The following UNC80 variants were observed in gnomAD, a reference collection of about 807,000 sequenced individuals.
The protein encoded by UNC80 is unc-80 subunit of NALCN channel complex.
UNC80 carries 164 observed loss-of-function variants against 384.6 expected under a neutral mutation model. The observed-to-expected ratio is 0.43, with a 90% CI of 0.38 to 0.49. The LOEUF is 0.49. UNC80 is among the 20% of genes least tolerant of loss of function. The probability of loss-of-function intolerance (pLI) is 0.00; values close to 1 mark genes in which losing one functional copy is unlikely to be tolerated. For missense variants in UNC80, 3,330 were observed against 4,143.0 expected (o/e 0.80, Z 5.39); for synonymous variants, 1,486 against 1,527.8 (o/e 0.97, Z 0.64).
intron 5 of UNC80, 26 bp from the exon 6 acceptor site, chr2:209,789,506 C>T (rs150913307): frequency 3.4e-5 from 53 of 1,558,898 alleles, no homozygotes; most frequent in Non-Finnish European, 4.7e-5. Context: ...CCTTACAAAA[C>T]GATGGAACTT....
intron 47 of UNC80, among the ~76,000 whole-genome samples, chr2:209,950,662 G>A (rs961518881): frequency 3.3e-5 from 5 of 151,038 alleles, no homozygotes; most frequent in Admixed American, 6.6e-5. Context: ...GGATTCAAGC[G>A]ATTCTCCTGC....
intron 47 of UNC80, among the ~76,000 whole-genome samples, chr2:209,950,524 T>A (rs1036121468): frequency 4.6e-5 from 7 of 151,878 alleles, no homozygotes; most frequent in African/African-American, 7.2e-5. Flanking sequence ...GTCTGCCTTT[T>A]CTTTCCTTTT....
chr2:209,870,257 A>T (rs993573848), intron 22 of UNC80, among the ~76,000 whole-genome samples: 1 of 152,204 alleles, frequency 6.6e-6, no homozygotes, highest in Non-Finnish European at 1.5e-5. Flanking sequence ...ATATTGTGAC[A>T]GGCTAAGAAT....
chr2:209,918,021 G>A (rs1296492447), intron 32 of UNC80, 63 bp downstream of exon 32: 26 of 1,478,336 alleles, frequency 1.8e-5, no homozygotes, highest in Middle Eastern at 1.8e-4. Flanking sequence ...TGTTTAAACC[G>A]TTGAACCTCA....
chr2:209,941,614 A>C (rs1337836361), intron 44 of UNC80, 125 bp downstream of exon 44: 1 of 1,138,870 alleles, frequency 8.8e-7, no homozygotes, highest in Non-Finnish European at 1.2e-6. Flanking sequence ...TGACAACAGA[A>C]GGCAACAAAT....
At chr2:209,840,734 GGC>G in intron 20 of UNC80, 86 bp downstream of exon 20, 1 of 1,064,110 alleles carries the variant, frequency 9.4e-7, no homozygotes. Flanking sequence ...CACCTGCAGG[GGC>G]CAAATAAGGA....
At chr2:209,930,847 A>G (rs1420821523) in intron 37 of UNC80, 121 bp from the exon 38 acceptor site, 2 of 621,746 alleles carry the variant, frequency 3.2e-6, no homozygotes, top group African/African-American at 3.7e-5. Context: ...CATAATTGAA[A>G]TCAATATGTG....
At chr2:209,778,754 C>T (rs1352914169) in intron 4 of UNC80, among the ~76,000 whole-genome samples, 5 of 152,174 alleles carry the variant, frequency 3.3e-5, no homozygotes, top group Non-Finnish European at 4.4e-5. Context: ...ACAAATTTCA[C>T]TTAAGTGCTA....
At chr2:209,915,916 A>G (rs996970097) in intron 31 of UNC80, among the ~76,000 whole-genome samples, 1 of 152,242 alleles carries the variant, frequency 6.6e-6, no homozygotes, top group Non-Finnish European at 1.5e-5. Context: ...TAAGTACTCA[A>G]GGTGGTGGAT....
intron 47 of UNC80, among the ~76,000 whole-genome samples, chr2:209,953,256 A>G (rs760990902): frequency 5.3e-5 from 8 of 151,922 alleles, no homozygotes; most frequent in Non-Finnish European, 1.0e-4. Context: ...TGTCTCTACT[A>G]AAAATACAAA....
At position 209,872,414 on chromosome 2, in the gene UNC80, C is replaced by G. The variant is rs567751440; in HGVS notation, c.3628-344C>G. 6.6e-6 allele frequency among the ~76,000 whole-genome samples: 1 copy of G among 152,284 alleles called. No homozygotes were observed. Among genetic ancestry groups the G allele is most frequent in the African/African-American group, 2.4e-5 (1 of 41,556 alleles). The stretch of plus-strand genomic sequence containing the variant: ...AAAAAAAGATTCATCTTTAAGACCT[C>G]ACTAAAAGCTCTTTCACTCTACACT... On this transcript the variant is annotated intron_variant, in intron 22 of 64. Coordinates refer to ENST00000673920, the MANE Select transcript of UNC80 (RefSeq NM_001371986.1). The surrounding 1 kb of genome is among the most constrained non-coding windows in gnomAD (Gnocchi z 4.1).
chr2:209,782,908 A>ATT (rs61203868), intron 4 of UNC80, among the ~76,000 whole-genome samples: 5 of 145,842 alleles, frequency 3.4e-5, no homozygotes, highest in African/African-American at 5.0e-5. Flanking sequence ...ACATTCACTT[A>ATT]TTTTTTTTTT....
intron 22 of UNC80, among the ~76,000 whole-genome samples, chr2:209,854,082 T>A (rs1174052354): frequency 6.6e-6 from 1 of 152,078 alleles, no homozygotes; most frequent in Non-Finnish European, 1.5e-5. Context: ...CACACTTACT[T>A]CCAGGCTTAT....
chr2:209,934,611 A>C, intron 39 of UNC80, among the ~76,000 whole-genome samples: 2 of 152,240 alleles, frequency 1.3e-5, no homozygotes, highest in Non-Finnish European at 2.9e-5. Context: ...AATTATGTAG[A>C]GATGAGAACA....
At chr2:209,834,638 G>C (rs969903374) in intron 17 of UNC80, among the ~76,000 whole-genome samples, 5 of 152,086 alleles carry the variant, frequency 3.3e-5, no homozygotes, top group African/African-American at 1.2e-4. Context: ...TATATTAAAT[G>C]CCACTTAAAA....
At chr2:209,775,263 T>C (rs754518127) in intron 2 of UNC80, among the ~76,000 whole-genome samples, 1 of 152,312 alleles carries the variant, frequency 6.6e-6, no homozygotes, top group East Asian at 1.9e-4. Flanking sequence ...AAAGTAAAGA[T>C]GGCTTATTTT....
intron 7 of UNC80, among the ~76,000 whole-genome samples, chr2:209,800,255 G>A (rs143484212): frequency 3.4e-3 from 517 of 152,040 alleles, no homozygotes; most frequent in Middle Eastern, 0.017. Context: ...TGGGCTATTC[G>A]GGGATTCAAA....
At chr2:209,965,806 A>T (rs574124293) in intron 51 of UNC80, among the ~76,000 whole-genome samples, 1 of 152,064 alleles carries the variant, frequency 6.6e-6, no homozygotes, top group African/African-American at 2.4e-5. Flanking sequence ...AAAAATAATA[A>T]TAATAAGAGG....
In UNC80 at chr2:209,878,060, A is replaced by T; in HGVS notation, c.3947A>T (p.Glu1316Val). Reference sequence around the variant, plus strand: ...GAGACCAAGAGGAGACTTAGAAAGGAGGATGAGGAGGAAGACTTTTTAGAT... The same window carrying T: ...GAGACCAAGAGGAGACTTAGAAAGGTGGATGAGGAGGAAGACTTTTTAGAT... ...DEETKRRLRKEDEEEDFLDDS... is the reference protein window; with the variant it reads ...DEETKRRLRKVDEEEDFLDDS... The change falls in exon 24 of 65, where the codon GAG (glutamate) becomes GTG (valine). Residue 1316 changes from glutamate (E) to valine (V), a missense_variant. Physicochemically the swap from Glu to Val is moderately radical, Grantham distance 121. Coordinates refer to ENST00000673920, the MANE Select transcript of UNC80 (RefSeq NM_001371986.1). 2 of 1,542,168 alleles carry T rather than the reference A, an allele frequency of 1.3e-6. No homozygotes were observed. The highest frequency in any genetic ancestry group is 1.2e-5 in the South Asian group (1 of 82,634).
Sources: gnomAD v4.1 joint callset for allele counts (sites outside exome capture counted in the v4.1 genomes callset) on GRCh38, gnomAD v4.1.1 for gene constraint, Gnocchi (gnomAD v3.1) non-coding constraint, MANE v1.5 for transcripts, NCBI Gene and HGNC (gene_info 2026-07-23, HGNC 2026-07-21) for gene names.